The following MYO1H variants were observed in gnomAD, a reference collection of about 807,000 sequenced individuals.
The protein encoded by MYO1H is unconventional myosin-Ih.
MYO1H carries 118 observed loss-of-function variants against 149.3 expected under a neutral mutation model. The ratio of observed to expected loss-of-function variants is 0.79; its 90% CI spans 0.68 to 0.92. The LOEUF (loss-of-function observed/expected upper bound fraction) is 0.92. Among genes scored for constraint, MYO1H ranks in the 40% least tolerant of loss-of-function variants. The probability of loss-of-function intolerance (pLI) is 0.00; values close to 1 mark genes in which losing one functional copy is unlikely to be tolerated. For synonymous variants in MYO1H, 447 were observed against 465.2 expected, an observed-to-expected ratio of 0.96 and a Z score of 0.50; for missense variants, 1,212 against 1,280.7, an observed-to-expected ratio of 0.95 and a Z score of 0.82.
chr12:109,349,930 C>T (rs1180553512), intron 1 of MYO1H, among the ~76,000 whole-genome samples: 1 of 145,796 alleles, frequency 6.9e-6, no homozygotes, highest in African/African-American at 2.6e-5. Context: ...CACTGCACTC[C>T]AGCCTGGGCG....
intron 1 of MYO1H, among the ~76,000 whole-genome samples, chr12:109,387,454 T>A (rs1003538153): frequency 1.3e-5 from 2 of 152,232 alleles, no homozygotes; most frequent in Non-Finnish European, 2.9e-5. Flanking sequence ...TTATTGCCTC[T>A]CAGATCCAAA....
At chr12:109,430,039 C>G (rs1860399062) in intron 19 of MYO1H, among the ~76,000 whole-genome samples, 2 of 152,200 alleles carry the variant, frequency 1.3e-5, no homozygotes, top group Admixed American at 6.5e-5. Context: ...ACCCTTGTGA[C>G]CTGATCACCT....
chr12:109,356,046 T>C (rs1868589882), intron 1 of MYO1H, among the ~76,000 whole-genome samples: 1 of 152,180 alleles, frequency 6.6e-6, no homozygotes, highest in East Asian at 1.9e-4. Context: ...GGTTTCTAAA[T>C]GTACCTCAAG....
At chr12:109,328,876 A>G in the MYO1H span, among the ~76,000 whole-genome samples, 3 of 152,246 alleles carry the variant, frequency 2.0e-5, no homozygotes, top group African/African-American at 7.2e-5. Context: ...AGCATGATCA[A>G]GCTAATTAAC....
Position 109,403,964 on chromosome 12 carries a change from C to G in MYO1H, c.751-18C>G, listed in dbSNP as rs183184123. 105 of 1,593,116 alleles carry G rather than the reference C, an allele frequency of 6.6e-5. No homozygotes were observed. The African/African-American group carries it at 1.3e-3, about 20-fold the overall frequency. On this transcript the variant is annotated intron_variant, in intron 6 of 31. Coordinates refer to ENST00000310903, the Ensembl canonical transcript of MYO1H. ...CCTATAAAAATGACATTAAGTGACT[C>G]AAACTTTTTGTCAACAGGGTCATTG...
rs1229334538 is a variant in MYO1H, at chr12:109,387,035, TG to T, written c.13-1647del. On this transcript the variant is annotated intron_variant, in intron 1 of 31. Coordinates refer to ENST00000310903, the Ensembl canonical transcript of MYO1H. Reference sequence around the variant, plus strand: ...GTGTGTGTGTGTGTGTGTGTGTGTGTGTGTGTAGTGTAGTGTAATGTAATAT... The same window carrying T: ...GTGTGTGTGTGTGTGTGTGTGTGTGTTGTGTAGTGTAGTGTAATGTAATAT... Among the ~76,000 whole-genome samples the T allele has an allele frequency of 8.6e-5, 11 of 128,160 alleles. No homozygotes were observed. In the East Asian group the frequency reaches 1.6e-3, roughly 19 times the overall value. The allele number at this position is 128,160 out of a possible 152,430, so 84.1% of individuals were successfully genotyped here.
chr12:109,421,703 G>A (rs1483108886), intron 16 of MYO1H, among the ~76,000 whole-genome samples: 1 of 152,178 alleles, frequency 6.6e-6, no homozygotes, highest in African/African-American at 2.4e-5. Context: ...ACAGGTCACA[G>A]CTTGCACAAG....
At chr12:109,416,806 A>T (rs957720377) in intron 15 of MYO1H, among the ~76,000 whole-genome samples, 1 of 152,118 alleles carries the variant, frequency 6.6e-6, no homozygotes, top group Non-Finnish European at 1.5e-5. Context: ...TGGCCAAGAT[A>T]GTGAAGCCCC....
intron 14 of MYO1H, 112 bp downstream of exon 14, chr12:109,412,097 A>G (rs1317921817): frequency 3.0e-6 from 2 of 660,030 alleles, no homozygotes; most frequent in Non-Finnish European, 5.1e-6. Flanking sequence ...ACATAAAAAT[A>G]TCTTTATGTA....
intron 1 of MYO1H, among the ~76,000 whole-genome samples, chr12:109,371,210 TTTC>T (rs1299923046): frequency 7.4e-6 from 1 of 135,816 alleles, no homozygotes. Context: ...CTTTTTTTTC[TTTC>T]TTTTTTTTTT....
chr12:109,414,257 T>C (rs1870802992), intron 14 of MYO1H, among the ~76,000 whole-genome samples: 2 of 151,874 alleles, frequency 1.3e-5, no homozygotes, highest in South Asian at 4.2e-4. Context: ...GAGTGGATAA[T>C]CTGAGGTCAG....
At chr12:109,442,107 C>G in intron 26 of MYO1H, 110 bp from the exon 27 acceptor site, 1 of 879,504 alleles carries the variant, frequency 1.1e-6, no homozygotes, top group Non-Finnish European at 1.9e-6. Context: ...GCTATTTCCC[C>G]ACCTGAGATC....
intron 1 of MYO1H, among the ~76,000 whole-genome samples, chr12:109,361,770 C>G (rs1442002929): frequency 1.4e-5 from 2 of 139,184 alleles, no homozygotes. Flanking sequence ...GATTGTGCCA[C>G]TGCACTCCAG....
At position 109,417,964 on chromosome 12, in the gene MYO1H, C is replaced by T. The variant is rs570225930; in HGVS notation, c.1597+2344C>T. 3.2e-4 allele frequency among the ~76,000 whole-genome samples: 48 copies of T among 151,708 alleles called. No individual in the cohort carries two copies. The Middle Eastern group carries it at 0.017, about 54-fold the overall frequency. On this transcript the variant is annotated intron_variant, in intron 15 of 31. Coordinates refer to ENST00000310903, the Ensembl canonical transcript of MYO1H. ...CCGAGTAGCTGGGACTACAGGCGCC[C>T]GCCACCACGCCCGGCTAATTTTTTC... is the stretch of plus-strand genomic sequence containing the variant.
chr12:109,374,382 C>T (rs1206921668), intron 1 of MYO1H, among the ~76,000 whole-genome samples: 3 of 152,124 alleles, frequency 2.0e-5, no homozygotes, highest in Non-Finnish European at 4.4e-5. Flanking sequence ...ATACCTACTA[C>T]CTCATAGGGT....
At chr12:109,407,600 CAAAAA>C (rs776897477) in intron 9 of MYO1H, among the ~76,000 whole-genome samples, 189 bp from the exon 10 acceptor site, 3 of 68,430 alleles carry the variant, frequency 4.4e-5, no homozygotes, top group Non-Finnish European at 6.9e-5. Context: ...CACATTTCTA[CAAAAA>C]AAAAAAAAAA....
At chr12:109,427,144 C>T (rs1871381548) in intron 18 of MYO1H, among the ~76,000 whole-genome samples, 4 of 151,856 alleles carry the variant, frequency 2.6e-5, no homozygotes, top group African/African-American at 7.3e-5. Context: ...GGTGAAACCA[C>T]GTCTCTACTA....
the MYO1H span, among the ~76,000 whole-genome samples, chr12:109,328,943 A>T: frequency 6.6e-6 from 1 of 152,154 alleles, no homozygotes; most frequent in South Asian, 2.1e-4. Context: ...ACACATAAAA[A>T]GTGGTAACTG....
chr12:109,324,013 GAA>G, the MYO1H span, among the ~76,000 whole-genome samples: 40,132 of 141,724 alleles, frequency 0.28, 5,755 homozygotes, highest in Admixed American at 0.39. Context: ...CCTGACTCAA[GAA>G]AAAAAAAAAA....
Sources: gnomAD v4.1 joint callset for allele counts (sites outside exome capture counted in the v4.1 genomes callset) on GRCh38, gnomAD v4.1.1 for gene constraint, MANE v1.5 for transcripts, NCBI Gene and HGNC (gene_info 2026-07-23, HGNC 2026-07-21) for gene names.